Variants in MYH15 observed in about 807,000 individuals in gnomAD.
MYH15 encodes the protein myosin-15.
Under a neutral mutation model 240.5 loss-of-function variants are expected in MYH15, and 227 were observed. That is an observed-to-expected ratio of 0.94 (90% CI 0.85 to 1.05). MYH15 has a LOEUF of 1.05. Among genes scored for constraint, MYH15 ranks in the 50% least tolerant of loss-of-function variants. The probability of loss-of-function intolerance (pLI) is 0.00; values close to 1 mark genes in which losing one functional copy is unlikely to be tolerated. For missense variants in MYH15, 2,217 were observed against 2,247.5 expected, an observed-to-expected ratio of 0.99 and a Z score of 0.27; for synonymous variants, 785 against 796.7, an observed-to-expected ratio of 0.99 and a Z score of 0.25.
intron 1 of MYH15, chr3:108,529,203 C>T: frequency 3.9e-6 from 6 of 1,526,862 alleles, no homozygotes; most frequent in Non-Finnish European, 5.4e-6. Flanking sequence ...TAGGCTGCTA[C>T]TGTCAGGCTA....
intron 9 of MYH15, among the ~76,000 whole-genome samples, chr3:108,490,294 A>G (rs990847888): frequency 7.2e-5 from 11 of 152,220 alleles, no homozygotes; most frequent in African/African-American, 2.4e-4. Context: ...AAAACCAAGT[A>G]GTCAAAACAC....
chr3:108,495,591 T>A (rs2083383695), intron 7 of MYH15, among the ~76,000 whole-genome samples, 189 bp downstream of exon 7: 1 of 152,204 alleles, frequency 6.6e-6, no homozygotes, highest in African/African-American at 2.4e-5. Context: ...AATGCATATT[T>A]ATTTATAAAA....
At chr3:108,415,077 A>C (rs6779855) in intron 29 of MYH15, among the ~76,000 whole-genome samples, 35,687 of 152,142 alleles carry the variant, frequency 0.23, 4,793 homozygotes, top group Non-Finnish European at 0.31. Flanking sequence ...ATATAAATTT[A>C]AATAGTTACC....
Position 108,437,644 on chromosome 3 carries a change from A to C in MYH15, c.3131T>G (p.Leu1044Arg). The change falls in exon 25 of 41, where the codon CTG becomes CGG. Residue 1044 changes from leucine (L) to arginine (R), a missense_variant. Physicochemically the swap from Leu to Arg is moderately radical, Grantham distance 102 (BLOSUM62 -2). Coordinates refer to ENST00000693548, the MANE Select transcript of MYH15 (RefSeq NM_014981.3). The part of the protein sequence containing the change: ...RKARMNCERE[L>R]HKLEGNLKLN... ...CTTTAAATTGCCCTCCAGTTTGTGC[A>C]GTTCCCTTTCACAGTTCATTCTCGC... is the stretch of plus-strand genomic sequence containing the variant. The C allele has an allele frequency of 1.2e-6, 2 of 1,614,094 alleles. No homozygotes were observed. Among genetic ancestry groups the C allele is most frequent in the East Asian group, 2.2e-5 (1 of 44,870 alleles).
chr3:108,405,325 T>C lies in MYH15; in HGVS notation c.4736+13A>G, dbSNP rs367673824. On this transcript the variant is annotated intron_variant, in intron 33 of 40. Transcript: ENST00000693548. ...AATACATAATTGTTACACATCAAAA[T>C]CATCTTAAATACCTAAAATTTTCTA... 3.9e-5 allele frequency: 56 copies of C among 1,427,160 alleles called. No homozygotes were observed. In the African/African-American group the frequency reaches 7.7e-4, roughly 20 times the overall value. 88.4% of individuals were successfully genotyped at this position (1,427,160 alleles called of 1,614,324 possible). A position where few individuals can be genotyped will look rare whatever the true frequency, so the allele number is the denominator to read the frequency against.
chr3:108,517,206 C>G (rs1010596870), intron 1 of MYH15, among the ~76,000 whole-genome samples: 4 of 152,176 alleles, frequency 2.6e-5, no homozygotes, highest in Admixed American at 2.0e-4. Context: ...TTTCTATCTC[C>G]CAGCGTTTGC....
chr3:108,462,569 T>C (rs950155182), intron 16 of MYH15, among the ~76,000 whole-genome samples: 4 of 152,064 alleles, frequency 2.6e-5, no homozygotes, highest in Non-Finnish European at 5.9e-5. Context: ...AGTAAGATAA[T>C]GTATCTAACA....
intron 21 of MYH15, among the ~76,000 whole-genome samples, chr3:108,449,737 C>T (rs994460817): frequency 2.6e-5 from 4 of 151,692 alleles, no homozygotes; most frequent in African/African-American, 9.7e-5. Flanking sequence ...AATGGGATTA[C>T]ATCAAACTAA....
chr3:108,394,006 T>C lies in MYH15; in HGVS notation c.5259+25A>G, dbSNP rs1287070355. 3.1e-6 allele frequency: 5 copies of C among 1,612,930 alleles called. No individual in the cohort carries two copies. The African/African-American group carries it at 5.3e-5, about 17-fold the overall frequency. On this transcript the variant is annotated intron_variant, in intron 36 of 40. Coordinates refer to ENST00000693548, the MANE Select transcript of MYH15 (RefSeq NM_014981.3). ...CGCCAGTGAACTCTGGGAGACAGGA[T>C]TGAGTACGTGGTCAAGGGACCCACC...
chr3:108,439,066 C>A (rs1352850410), intron 24 of MYH15, among the ~76,000 whole-genome samples: 1 of 150,440 alleles, frequency 6.6e-6, no homozygotes, highest in African/African-American at 2.4e-5. Context: ...AAAAAAAAAA[C>A]CTAACCACTC....
chr3:108,401,747 A>G (rs1053219503), intron 33 of MYH15, among the ~76,000 whole-genome samples: 7 of 152,240 alleles, frequency 4.6e-5, no homozygotes, highest in African/African-American at 1.7e-4. Context: ...ATGAAACTTC[A>G]TGAGTGCCTG....
In MYH15 at chr3:108,441,254, C is replaced by T; in HGVS notation, c.2662G>A (p.Glu888Lys). The stretch of plus-strand genomic sequence containing the variant: ...TGCTCTTCAACATTTGCCAGTGTCT[C>T]TTGCTCCTGCCATGATGAGGAGAAA... Reference protein sequence around the residue: ...DLILQLQAEQETLANVEEQCE... With the variant: ...DLILQLQAEQKTLANVEEQCE... The change falls in exon 23 of 41, where the codon GAG becomes AAG. Residue 888 changes from glutamate (E) to lysine (K), a missense_variant. Glu to Lys is a moderately conservative substitution (Grantham distance 56). Transcript: ENST00000693548. The T allele has an allele frequency of 6.2e-7, 1 of 1,613,998 alleles. No individual in the cohort carries two copies. The highest frequency in any genetic ancestry group is 8.5e-7 in the Non-Finnish European group (1 of 1,179,922).
intron 25 of MYH15, among the ~76,000 whole-genome samples, chr3:108,432,855 G>T (rs1339696428): frequency 6.6e-6 from 1 of 151,932 alleles, no homozygotes; most frequent in Non-Finnish European, 1.5e-5. Flanking sequence ...TGCCCAAGCA[G>T]AAGTTTGCTG....
chr3:108,442,554 C>T (rs888284701), intron 22 of MYH15, among the ~76,000 whole-genome samples: 1 of 152,224 alleles, frequency 6.6e-6, no homozygotes, highest in Non-Finnish European at 1.5e-5. Context: ...AGACCTGTCA[C>T]CATCACTGAA....
chr3:108,547,477 G>A, the MYH15 span, among the ~76,000 whole-genome samples: 1 of 151,846 alleles, frequency 6.6e-6, no homozygotes, highest in Admixed American at 6.6e-5. Context: ...ATTTAAATAG[G>A]CAATTCTCAA....
At position 108,485,173 on chromosome 3, in the gene MYH15, G is replaced by T; in HGVS notation, c.1032C>A (p.Leu344=). 1 of 1,614,106 alleles carries T rather than the reference G, an allele frequency of 6.2e-7. No homozygotes were observed. Among genetic ancestry groups the T allele is most frequent in the Non-Finnish European group, 8.5e-7 (1 of 1,179,976 alleles). Residue 344 remains leucine, a synonymous_variant, in exon 11 of 41, where the codon CTC becomes CTA. Coordinates refer to ENST00000693548, the MANE Select transcript of MYH15 (RefSeq NM_014981.3). ...TTCCAAAGTGCATGATGGCTCCAGT[G>T]AGTTTATAGCATCCATACTTCTCAT... ...LPDEKYGCYK[L]TGAIMHFGNM...
chr3:108,493,381 A>G (rs995927298), intron 7 of MYH15, among the ~76,000 whole-genome samples: 4 of 152,232 alleles, frequency 2.6e-5, no homozygotes, highest in Non-Finnish European at 4.4e-5. Flanking sequence ...GCACCAGCTA[A>G]TATCTGGAGG....
chr3:108,418,402 A>T (rs1298602362), intron 28 of MYH15, among the ~76,000 whole-genome samples: 1 of 152,194 alleles, frequency 6.6e-6, no homozygotes, highest in African/African-American at 2.4e-5. Context: ...AGCGAATACA[A>T]TTTTTACCAG....
At chr3:108,504,079 T>C (rs901949224) in intron 2 of MYH15, among the ~76,000 whole-genome samples, 1 of 152,232 alleles carries the variant, frequency 6.6e-6, no homozygotes, top group African/African-American at 2.4e-5. Context: ...CCTATTTATC[T>C]GAAATTGCTA....
Sources: allele counts gnomAD v4.1 joint callset (sites outside exome capture counted in the v4.1 genomes callset), GRCh38; gene constraint gnomAD v4.1.1; transcripts MANE v1.5; gene names NCBI Gene and HGNC (gene_info 2026-07-23, HGNC 2026-07-21).